The following RPS6KA2 variants were observed in gnomAD, a reference collection of about 807,000 sequenced individuals.
RPS6KA2 encodes the protein ribosomal protein S6 kinase A2.
In RPS6KA2, 42 loss-of-function variants were observed where a neutral mutation model predicts 91.8. That is an observed-to-expected ratio of 0.46 (90% CI 0.36 to 0.59). RPS6KA2 has a LOEUF of 0.59. RPS6KA2 is among the 20% of genes least tolerant of loss of function. The pLI, the probability that RPS6KA2 is intolerant of heterozygous loss-of-function variation, is 0.00. For missense variants in RPS6KA2, 798 were observed against 978.5 expected (o/e 0.82, Z 2.46); for synonymous variants, 414 against 393.6 (o/e 1.05, Z -0.61).
At chr6:166,492,040 T>A (rs1781603453) in intron 8 of RPS6KA2, among the ~76,000 whole-genome samples, 1 of 152,230 alleles carries the variant, frequency 6.6e-6, no homozygotes, top group South Asian at 2.1e-4. Flanking sequence ...TGTGCACAGA[T>A]GATTTCCTAA....
chr6:166,435,853 C>T lies in RPS6KA2; in HGVS notation c.1333-3363G>A, dbSNP rs143062164. Reference sequence around the variant, plus strand: ...GGAGGGCTGGAAAGGTGGAGGAAGGCGTTGCTCCTGGGGAGGCCACGTGCT... The same window carrying T: ...GGAGGGCTGGAAAGGTGGAGGAAGGTGTTGCTCCTGGGGAGGCCACGTGCT... On this transcript the variant is annotated intron_variant, in intron 14 of 20. Coordinates refer to ENST00000265678, the MANE Select transcript of RPS6KA2 (RefSeq NM_021135.6). The surrounding 1 kb of genome is among the most constrained non-coding windows in gnomAD (Gnocchi z 4.3). 2.9e-4 allele frequency among the ~76,000 whole-genome samples: 44 copies of T among 152,334 alleles called. No homozygotes were observed. Among genetic ancestry groups the T allele is most frequent in the African/African-American group, 9.9e-4 (41 of 41,586 alleles).
At chr6:166,812,738 T>G (rs1099646) in intron 2 of RPS6KA2, among the ~76,000 whole-genome samples, 74,194 of 152,052 alleles carry the variant, frequency 0.49, 19,434 homozygotes, top group Middle Eastern at 0.61. Context: ...ACCTACTTAT[T>G]TGCATGTTTT....
rs1780038876 is a variant in RPS6KA2 at position 166,825,911 on chromosome 6, C to T, written c.123+32289G>A. On this transcript the variant is annotated intron_variant, in intron 2 of 21. Transcript: ENST00000503859. The surrounding 1 kb of genome is among the most constrained non-coding windows in gnomAD (Gnocchi z 4.1). ...GTCCACAGCAGGAAGGAACAGATTC[C>T]TCCACTGGGCTGTCATCTGAGCTCC... Among the ~76,000 whole-genome samples, 2 of 152,192 alleles carry T rather than the reference C, an allele frequency of 1.3e-5. No homozygotes were observed. Among genetic ancestry groups the T allele is most frequent in the African/African-American group, 4.8e-5 (2 of 41,450 alleles).
chr6:166,718,386 G>A (rs1480898537), intron 2 of RPS6KA2, among the ~76,000 whole-genome samples: 1 of 152,094 alleles, frequency 6.6e-6, no homozygotes, highest in Non-Finnish European at 1.5e-5. Context: ...GAGTTTCCAA[G>A]GCACCCCTAA....
intron 2 of RPS6KA2, chr6:166,701,648 G>A: frequency 7.8e-7 from 1 of 1,280,870 alleles, no homozygotes; most frequent in Non-Finnish European, 1.1e-6. Context: ...GGGGAGGGAG[G>A]AGTCATGGCT....
rs1050212416 is a variant in RPS6KA2, at chr6:166,557,270, C to T, written c.100-18486G>A. Among the ~76,000 whole-genome samples, 18 of 152,234 alleles carry T rather than the reference C, an allele frequency of 1.2e-4. No homozygotes were observed. Among genetic ancestry groups the T allele is most frequent in the Admixed American group, 3.3e-4 (5 of 15,290 alleles). On this transcript the variant is annotated intron_variant, in intron 1 of 20. Coordinates refer to ENST00000265678, the MANE Select transcript of RPS6KA2 (RefSeq NM_021135.6). The surrounding 1 kb of genome is among the most constrained non-coding windows in gnomAD (Gnocchi z 4.8). ...GGGTAGCTCCTGCCGGGGTGAGGAC[C>T]GTGGGCGCGGAGCATGCTTCCCAAG...
chr6:166,454,696 T>C (rs1355631068), intron 12 of RPS6KA2, among the ~76,000 whole-genome samples: 2 of 152,022 alleles, frequency 1.3e-5, no homozygotes, highest in African/African-American at 4.8e-5. Flanking sequence ...GCAGTGTGAG[T>C]CCTGCCAGCG....
intron 2 of RPS6KA2, among the ~76,000 whole-genome samples, chr6:166,765,947 G>GAACAA (rs1409598057): frequency 6.6e-6 from 1 of 152,204 alleles, no homozygotes; most frequent in African/African-American, 2.4e-5. Flanking sequence ...AGCCTGTTAG[G>GAACAA]AACAAAACAC....
chr6:166,587,718 A>AAT (rs1324380941), intron 1 of RPS6KA2, among the ~76,000 whole-genome samples: 3 of 151,988 alleles, frequency 2.0e-5, no homozygotes, highest in Non-Finnish European at 4.4e-5. Context: ...TGGATTCAGA[A>AAT]GTAGAAGATG....
chr6:166,451,009 A>G lies in RPS6KA2; in HGVS notation c.1206+94T>C, dbSNP rs527710944. 1.9e-4 allele frequency: 287 copies of G among 1,499,520 alleles called. No homozygotes were observed. In the African/African-American group the frequency reaches 3.7e-3, roughly 19 times the overall value. 92.9% of individuals were successfully genotyped at this position (1,499,520 alleles called of 1,614,324 possible). A position where few individuals can be genotyped will look rare whatever the true frequency, so the allele number is the denominator to read the frequency against. ...TAAAGTCCACCCATCCTAAGCACCC[A>G]ACCCCCGGGTGACTGAGGCCACAGG... is the stretch of plus-strand genomic sequence containing the variant. On this transcript the variant is annotated intron_variant, in intron 13 of 20. Transcript: ENST00000265678.
chr6:166,607,221 A>T (rs1346321629), intron 1 of RPS6KA2, among the ~76,000 whole-genome samples: 2 of 151,026 alleles, frequency 1.3e-5, no homozygotes, highest in Non-Finnish European at 2.9e-5. Context: ...AAAATGGTCT[A>T]GAAGTTCCTC....
In RPS6KA2 at chr6:166,726,753, G is replaced by A. The variant is rs1445551238; in HGVS notation, c.123+131447C>T. Among the ~76,000 whole-genome samples the A allele has an allele frequency of 6.6e-6, 1 of 152,172 alleles. No individual in the cohort carries two copies. Among genetic ancestry groups the A allele is most frequent in the African/African-American group, 2.4e-5 (1 of 41,434 alleles). On this transcript the variant is annotated intron_variant, in intron 2 of 21. Transcript: ENST00000503859. This position sits in a 1 kb window ranked among gnomAD's most constrained non-coding sequence, Gnocchi z 4.4. ...TTTCCATAAGCTTCTGTGAATTCTT[G>A]TCAAAGCTTTAAAACTGAACACGGC...
At chr6:166,505,870 C>G (rs1782201636) in intron 5 of RPS6KA2, among the ~76,000 whole-genome samples, 1 of 152,246 alleles carries the variant, frequency 6.6e-6, no homozygotes, top group South Asian at 2.1e-4. Context: ...TGCTAGTGGC[C>G]TGGTTCTTTC....
chr6:166,496,318 C>G (rs546570944), intron 8 of RPS6KA2, among the ~76,000 whole-genome samples: 102 of 150,696 alleles, frequency 6.8e-4, no homozygotes, highest in African/African-American at 2.4e-3. Flanking sequence ...ACACTGCACT[C>G]CAGCCTGGTG....
At chr6:166,858,529 C>T (rs994404427) in intron 1 of RPS6KA2, among the ~76,000 whole-genome samples, 12 of 152,174 alleles carry the variant, frequency 7.9e-5, no homozygotes, top group African/African-American at 2.2e-4. Context: ...ATCAATGAAG[C>T]GAGTGTGACT....
At chr6:166,772,758 C>T (rs1430012061) in intron 2 of RPS6KA2, among the ~76,000 whole-genome samples, 1 of 152,192 alleles carries the variant, frequency 6.6e-6, no homozygotes, top group Non-Finnish European at 1.5e-5. Context: ...ACTGTGCATC[C>T]AGGGTATGCG....
rs531338019 is a variant in RPS6KA2 at position 166,783,577 on chromosome 6, T to C, written c.123+74623A>G. Among the ~76,000 whole-genome samples, 237 of 152,152 alleles carry C rather than the reference T, an allele frequency of 1.6e-3. 1 individual carries two copies. The highest frequency in any genetic ancestry group is 5.5e-3 in the African/African-American group (230 of 41,468). On this transcript the variant is annotated intron_variant, in intron 2 of 21. Transcript: ENST00000503859. ...ATACATACATATCTAAAATTTCATA[T>C]ATACACATGCACACATATCTAAAAC...
chr6:166,680,650 C>G (rs186491270), intron 2 of RPS6KA2, among the ~76,000 whole-genome samples: 14 of 152,356 alleles, frequency 9.2e-5, no homozygotes, highest in African/African-American at 3.4e-4. Flanking sequence ...GTAACACTCA[C>G]TGTGAAGGTT....
At chr6:166,513,544 G>A (rs772568725) in intron 3 of RPS6KA2, among the ~76,000 whole-genome samples, 8 of 152,310 alleles carry the variant, frequency 5.3e-5, no homozygotes, top group South Asian at 4.1e-4. Context: ...GGTAGCTCCT[G>A]GTAGCCTGGA....
Sources: allele counts gnomAD v4.1 joint callset (sites outside exome capture counted in the v4.1 genomes callset), GRCh38; gene constraint gnomAD v4.1.1; non-coding constraint Gnocchi (gnomAD v3.1); transcripts MANE v1.5; gene names NCBI Gene and HGNC (gene_info 2026-07-23, HGNC 2026-07-21).